NCOA1: variants seen among roughly 807,000 people sequenced by gnomAD.
The protein encoded by NCOA1 is Hin-2 protein.
A neutral mutation model predicts 150.9 loss-of-function variants in NCOA1; 35 were observed. That is an observed-to-expected ratio of 0.23 (90% confidence interval 0.18 to 0.31). The LOEUF (loss-of-function observed/expected upper bound fraction) is 0.31, where lower values mean the gene tolerates loss of function less well. Ranked by LOEUF, NCOA1 falls within the 10% of genes least tolerant of loss-of-function variation. The pLI, the probability that NCOA1 is intolerant of heterozygous loss-of-function variation, is 1.00. For missense variants in NCOA1, 1,491 were observed against 1,749.3 expected (o/e 0.85, Z 2.63); for synonymous variants, 590 against 630.0 (o/e 0.94, Z 0.95).
chr2:24,641,300 T>C (rs1460040997), intron 3 of NCOA1, among the ~76,000 whole-genome samples: 3 of 151,214 alleles, frequency 2.0e-5, no homozygotes, highest in Non-Finnish European at 4.4e-5. Flanking sequence ...CTCCACAATA[T>C]TTTATATATT....
intron 7 of NCOA1, among the ~76,000 whole-genome samples, chr2:24,675,188 A>G (rs1671851776): frequency 6.6e-6 from 1 of 152,220 alleles, no homozygotes; most frequent in African/African-American, 2.4e-5. Context: ...TAACATATAC[A>G]CATATATGTG....
At chr2:24,676,762 A>G (rs925445453) in intron 7 of NCOA1, among the ~76,000 whole-genome samples, 2 of 152,200 alleles carry the variant, frequency 1.3e-5, no homozygotes, top group Non-Finnish European at 2.9e-5. Context: ...TAAAGATAAA[A>G]CAGGTATTTT....
At chr2:24,647,913 G>T (rs1423996243) in intron 4 of NCOA1, among the ~76,000 whole-genome samples, 1 of 152,132 alleles carries the variant, frequency 6.6e-6, no homozygotes, top group Non-Finnish European at 1.5e-5. Context: ...TGCATCTCCA[G>T]TTTAAAATGT....
intron 3 of NCOA1, among the ~76,000 whole-genome samples, chr2:24,592,886 T>C (rs902790748): frequency 3.3e-5 from 5 of 152,140 alleles, no homozygotes; most frequent in Non-Finnish European, 7.4e-5. Flanking sequence ...GAGGTAATAC[T>C]ACCATTCACC....
In NCOA1 at chr2:24,742,243, C is replaced by G. The variant is rs1313720393; in HGVS notation, c.3706+57C>G. 7.9e-6 allele frequency: 12 copies of G among 1,522,882 alleles called. No homozygotes were observed. The East Asian group carries it at 2.0e-4, about 26-fold the overall frequency. 94.3% of individuals were successfully genotyped at this position (1,522,882 alleles called of 1,614,324 possible). A position where few individuals can be genotyped will look rare whatever the true frequency, so the allele number is the denominator to read the frequency against. The stretch of plus-strand genomic sequence containing the variant: ...GTAATCCATACAGGCTTAGGTCTCT[C>G]TCCATCTTTATGTCTGTGCTTGGAC... On this transcript the variant is annotated intron_variant, in intron 19 of 22. Transcript: ENST00000348332.
At chr2:24,656,074 C>G (rs1414930510) in intron 4 of NCOA1, among the ~76,000 whole-genome samples, 1 of 128,398 alleles carries the variant, frequency 7.8e-6, no homozygotes, top group African/African-American at 3.1e-5. Flanking sequence ...GGCGACAGAG[C>G]GAGACTCCGT....
At chr2:24,729,871 C>CT (rs11439247) in intron 17 of NCOA1, 56 bp downstream of exon 17, 1,374,729 of 1,523,450 alleles carry the variant, frequency 0.9, 620,872 homozygotes, top group East Asian at 0.99. Context: ...CGAAGTCTCA[C>CT]CTGTCACCAG....
intron 1 of NCOA1, among the ~76,000 whole-genome samples, chr2:24,557,547 C>G (rs1666122132): frequency 6.6e-6 from 1 of 151,640 alleles, no homozygotes; most frequent in African/African-American, 2.4e-5. Flanking sequence ...CCTCCTTCTC[C>G]CCTCCCTTCC....
At chr2:24,497,562 C>T (rs925448786) in intron 1 of NCOA1, among the ~76,000 whole-genome samples, 4 of 152,124 alleles carry the variant, frequency 2.6e-5, no homozygotes, top group South Asian at 2.1e-4. Flanking sequence ...GTCCCAGCTA[C>T]TCAGGAGGCT....
intron 1 of NCOA1, among the ~76,000 whole-genome samples, chr2:24,542,212 A>T (rs1665427282): frequency 6.6e-6 from 1 of 152,202 alleles, no homozygotes; most frequent in Non-Finnish European, 1.5e-5. Context: ...CAAACAATAC[A>T]GAAAGTGTTG....
chr2:24,630,364 T>C lies in NCOA1; in HGVS notation c.-174-13602T>C, dbSNP rs138052713. Among the ~76,000 whole-genome samples, 1,067 of 152,348 alleles carry C rather than the reference T, an allele frequency of 7.0e-3. 12 individuals are homozygous for C. Among genetic ancestry groups the C allele is most frequent in the African/African-American group, 0.024 (1,007 of 41,576 alleles). ...AGGCAGATGTGGATAACTGAAGCTGTTAATTTATTTCACTGGTGTGAAGTT... is the reference window on the plus strand; with the variant it reads ...AGGCAGATGTGGATAACTGAAGCTGCTAATTTATTTCACTGGTGTGAAGTT... On this transcript the variant is annotated intron_variant, in intron 3 of 22. Coordinates refer to ENST00000348332, the MANE Select transcript of NCOA1 (RefSeq NM_003743.5).
intron 8 of NCOA1, among the ~76,000 whole-genome samples, chr2:24,686,062 C>T (rs1340320035): frequency 5.9e-5 from 9 of 152,142 alleles, no homozygotes; most frequent in African/African-American, 1.9e-4. Flanking sequence ...AGTGCGATGG[C>T]ATGATCTCAG....
chr2:24,494,027 G>A (rs1395216976), intron 1 of NCOA1, among the ~76,000 whole-genome samples: 1 of 152,182 alleles, frequency 6.6e-6, no homozygotes, highest in Non-Finnish European at 1.5e-5. Flanking sequence ...TATAGGGAAG[G>A]GTGGTAAACA....
At chr2:24,734,829 G>A (rs967220290) in intron 17 of NCOA1, among the ~76,000 whole-genome samples, 8 of 151,992 alleles carry the variant, frequency 5.3e-5, no homozygotes, top group African/African-American at 1.9e-4. Context: ...AAACAGTGTG[G>A]AACTAGCATG....
chr2:24,764,676 C>A (rs1179652722), intron 22 of NCOA1, among the ~76,000 whole-genome samples: 2 of 152,152 alleles, frequency 1.3e-5, no homozygotes, highest in Non-Finnish European at 2.9e-5. Flanking sequence ...TGGCTTGGGG[C>A]AAATTTCCAG....
chr2:24,672,567 A>T (rs928655225), intron 6 of NCOA1, among the ~76,000 whole-genome samples: 11 of 151,276 alleles, frequency 7.3e-5, no homozygotes, highest in African/African-American at 2.7e-4. Flanking sequence ...GCTAATTTTT[A>T]AAATTTTTTG....
chr2:24,668,488 CATTGAAAACTAGA>C (rs531512012), intron 6 of NCOA1, among the ~76,000 whole-genome samples: 62 of 151,846 alleles, frequency 4.1e-4, no homozygotes, highest in Non-Finnish European at 4.9e-4. Flanking sequence ...TAAATAACAA[CATTGAAAACTAGA>C]ATTCTAGACC....
chr2:24,673,600 G>C (rs1417989432), intron 7 of NCOA1, 137 bp downstream of exon 7: 1 of 527,446 alleles, frequency 1.9e-6, no homozygotes, highest in Non-Finnish European at 3.3e-6. Context: ...ATTTTATTAT[G>C]AGAACTATTT....
At chr2:24,558,919 T>G (rs1666188230) in intron 1 of NCOA1, among the ~76,000 whole-genome samples, 1 of 152,160 alleles carries the variant, frequency 6.6e-6, no homozygotes, top group African/African-American at 2.4e-5. Context: ...TGTCTGCTTC[T>G]TAATTCAGTC....
Sources: allele counts gnomAD v4.1 joint callset (sites outside exome capture counted in the v4.1 genomes callset), GRCh38; gene constraint gnomAD v4.1.1; transcripts MANE v1.5; gene names NCBI Gene and HGNC (gene_info 2026-07-23, HGNC 2026-07-21).